Variants in NRG3 observed in about 807,000 individuals in gnomAD.
NRG3 encodes neuregulin 3.
A neutral mutation model predicts 66.9 loss-of-function variants in NRG3; 31 were observed. The observed-to-expected ratio is 0.46, with a 90% CI of 0.35 to 0.63. The LOEUF (loss-of-function observed/expected upper bound fraction) is 0.63, where lower values mean the gene tolerates loss of function less well. Ranked by LOEUF, NRG3 falls within the 20% of genes least tolerant of loss-of-function variation. The pLI, the probability that NRG3 is intolerant of heterozygous loss-of-function variation, is 0.00. For synonymous variants in NRG3, 393 were observed against 359.4 expected (o/e 1.09, Z -1.06); for missense variants, 910 against 878.9 (o/e 1.04, Z -0.45).
intron 1 of NRG3, among the ~76,000 whole-genome samples, chr10:82,004,618 T>C (rs965349846): frequency 1.3e-5 from 2 of 152,190 alleles, no homozygotes; most frequent in African/African-American, 4.8e-5. Context: ...TCCTCTCTCC[T>C]TTTTCTAAAT....
At chr10:82,017,774 G>T (rs1361232878) in intron 1 of NRG3, among the ~76,000 whole-genome samples, 57 of 152,074 alleles carry the variant, frequency 3.7e-4, no homozygotes, top group African/African-American at 1.1e-3. Flanking sequence ...TCGCCCACTT[G>T]TTGATGGGGT....
At chr10:82,189,369 A>C (rs1418239796) in intron 1 of NRG3, among the ~76,000 whole-genome samples, 2 of 152,168 alleles carry the variant, frequency 1.3e-5, no homozygotes, top group Non-Finnish European at 2.9e-5. Flanking sequence ...ATATTAAGAA[A>C]TTTTAGGCCA....
At chr10:82,799,704 C>G (rs1271321450) in intron 3 of NRG3, 1 of 152,032 alleles carries the variant, frequency 6.6e-6, no homozygotes, top group African/African-American at 2.4e-5. Flanking sequence ...ATCTCTAGGT[C>G]TCTAGGGTTC....
chr10:82,785,134 C>T (rs1485693015), intron 3 of NRG3, among the ~76,000 whole-genome samples: 3 of 147,274 alleles, frequency 2.0e-5, no homozygotes, highest in Non-Finnish European at 4.4e-5. Flanking sequence ...TGTTCTCACT[C>T]ATAGATGGGA....
intron 2 of NRG3, among the ~76,000 whole-genome samples, chr10:82,573,778 T>C (rs1029961682): frequency 2.6e-5 from 4 of 151,712 alleles, no homozygotes; most frequent in Non-Finnish European, 4.4e-5. Context: ...CCAGACAAAA[T>C]GGAAGCACTT....
chr10:82,758,484 A>G (rs2059169141), intron 3 of NRG3, among the ~76,000 whole-genome samples: 1 of 152,110 alleles, frequency 6.6e-6, no homozygotes, highest in Non-Finnish European at 1.5e-5. Flanking sequence ...TGATAAGAAA[A>G]TGTAAAATTA....
At chr10:81,890,126 G>A (rs1188310864) in intron 1 of NRG3, among the ~76,000 whole-genome samples, 3 of 152,252 alleles carry the variant, frequency 2.0e-5, no homozygotes, top group Admixed American at 1.3e-4. Flanking sequence ...AGTAGACCAC[G>A]TGCTTGTGAG....
intron 2 of NRG3, among the ~76,000 whole-genome samples, chr10:82,577,828 T>A (rs2046119933): frequency 6.6e-6 from 1 of 151,816 alleles, no homozygotes; most frequent in Non-Finnish European, 1.5e-5. Flanking sequence ...TTTGTCATAT[T>A]TATAGGTTTT....
intron 1 of NRG3, among the ~76,000 whole-genome samples, chr10:82,072,365 A>G (rs1298139696): frequency 6.6e-6 from 1 of 152,242 alleles, no homozygotes; most frequent in Non-Finnish European, 1.5e-5. Flanking sequence ...GGGAGAGACC[A>G]TAGCTAGATG....
chr10:82,109,594 G>T (rs1590148910), intron 1 of NRG3, among the ~76,000 whole-genome samples: 1 of 146,978 alleles, frequency 6.8e-6, no homozygotes, highest in East Asian at 2.0e-4. Flanking sequence ...TATATTTTCA[G>T]ATCAAATTGA....
Position 82,365,187 on chromosome 10 carries a change from C to T in NRG3, c.953+6319C>T, listed in dbSNP as rs1019228157. Among the ~76,000 whole-genome samples, 5 of 152,144 alleles carry T rather than the reference C, an allele frequency of 3.3e-5. 1 individual carries two copies. Among genetic ancestry groups the T allele is most frequent in the African/African-American group, 2.4e-5 (1 of 41,428 alleles). The stretch of plus-strand genomic sequence containing the variant: ...TCTCCAGTAAGTGCTCTGAGAGCAG[C>T]AGCTAATGATTCCCTGTGGTTGAAG... On this transcript the variant is annotated intron_variant, in intron 2 of 8. Coordinates refer to ENST00000372141, the MANE Select transcript of NRG3 (RefSeq NM_001010848.4).
At chr10:81,922,058 G>A (rs1402936847) in intron 1 of NRG3, among the ~76,000 whole-genome samples, 1 of 151,964 alleles carries the variant, frequency 6.6e-6, no homozygotes, top group African/African-American at 2.4e-5. Context: ...AATGCCCCAG[G>A]TATTATACTA....
intron 2 of NRG3, among the ~76,000 whole-genome samples, chr10:82,496,221 G>C (rs377459203): frequency 6.6e-6 from 1 of 152,190 alleles, no homozygotes; most frequent in Admixed American, 6.5e-5. Context: ...GATAAAATTT[G>C]AAGAAGAATT....
chr10:82,733,844 G>T (rs1035811604), intron 2 of NRG3, among the ~76,000 whole-genome samples: 1 of 152,204 alleles, frequency 6.6e-6, no homozygotes, highest in South Asian at 2.1e-4. Flanking sequence ...ATTATAAGCC[G>T]TAACTTAGTT....
intron 3 of NRG3, among the ~76,000 whole-genome samples, chr10:82,796,955 AT>A (rs1364572560): frequency 6.6e-6 from 1 of 152,120 alleles, no homozygotes; most frequent in Non-Finnish European, 1.5e-5. Flanking sequence ...ACAACCTAAT[AT>A]TTTTTAAAAA....
intron 2 of NRG3, among the ~76,000 whole-genome samples, chr10:82,624,065 A>G (rs1242806611): frequency 6.6e-6 from 1 of 151,826 alleles, no homozygotes. Flanking sequence ...TAACTTCACC[A>G]CTCTACTTAA....
At chr10:82,780,480 C>CTTTTTTTTTTTTTTTTTTTTTT (rs150086019) in intron 3 of NRG3, among the ~76,000 whole-genome samples, 1 of 106,102 alleles carries the variant, frequency 9.4e-6, no homozygotes, top group Non-Finnish European at 2.0e-5. Context: ...TTTTTCTTTT[C>CTTTTTTTTTTTTTTTTTTTTTT]TTTTTTTTTT....
chr10:82,261,239 T>C (rs895564968), intron 1 of NRG3, among the ~76,000 whole-genome samples: 3 of 152,072 alleles, frequency 2.0e-5, no homozygotes, highest in Admixed American at 2.0e-4. Flanking sequence ...TCTCATGAGA[T>C]CTGATGGTTT....
At chr10:81,944,999 G>A (rs1440148083) in intron 1 of NRG3, among the ~76,000 whole-genome samples, 1 of 151,848 alleles carries the variant, frequency 6.6e-6, no homozygotes, top group Non-Finnish European at 1.5e-5. Flanking sequence ...AGCTCTAATG[G>A]TGCCCACCCC....
Sources: allele counts gnomAD v4.1 joint callset (sites outside exome capture counted in the v4.1 genomes callset), GRCh38; gene constraint gnomAD v4.1.1; transcripts MANE v1.5; gene names NCBI Gene and HGNC (gene_info 2026-07-23, HGNC 2026-07-21).